The following CDK1 variants were observed in gnomAD, a reference collection of about 807,000 sequenced individuals.
The protein encoded by CDK1 is cyclin-dependent kinase 1.
CDK1 carries 5 observed loss-of-function variants against 34.6 expected under a neutral mutation model. That is an observed-to-expected ratio of 0.14 (90% CI 0.08 to 0.30). CDK1 has a LOEUF of 0.30. Ranked by LOEUF, CDK1 falls within the 10% of genes least tolerant of loss-of-function variation. The pLI is 1.00. For missense variants in CDK1, 157 were observed against 345.7 expected, an observed-to-expected ratio of 0.45 and a Z score of 4.33; for synonymous variants, 108 against 114.7, an observed-to-expected ratio of 0.94 and a Z score of 0.37.
rs1021919245 is a variant in CDK1 at position 60,794,576 on chromosome 10, G to C, written c.*601G>C. 5 of 152,110 alleles carry C rather than the reference G, an allele frequency of 3.3e-5. No homozygotes were observed. In the South Asian group the frequency reaches 1.0e-3, roughly 32 times the overall value. The allele number at this position is 152,110 out of a possible 1,614,324, so 9.4% of individuals were successfully genotyped here. A position where few individuals can be genotyped will look rare whatever the true frequency, so the allele number is the denominator to read the frequency against. Reference sequence around the variant, plus strand: ...ATGAGAGCATGCCAAAATTTGCTAAGTCTTACAAAGATCAAGGGCTGTCCG... The same window carrying C: ...ATGAGAGCATGCCAAAATTTGCTAACTCTTACAAAGATCAAGGGCTGTCCG... On this transcript the variant is annotated 3_prime_UTR_variant, in exon 8 of 8. Coordinates refer to ENST00000395284, the MANE Select transcript of CDK1 (RefSeq NM_001786.5).
In CDK1 at chr10:60,784,857, G is replaced by A; in HGVS notation, c.190G>A (p.Val64Ile). ...LLKELRHPNIVSLQDVLMQDS... is the reference protein window; with the variant it reads ...LLKELRHPNIISLQDVLMQDS... Reference sequence around the variant, plus strand: ...AAAGGAACTTCGTCATCCAAATATAGTCAGGTATGTTGTAATATCTGAATG... The same window carrying A: ...AAAGGAACTTCGTCATCCAAATATAATCAGGTATGTTGTAATATCTGAATG... The change falls in exon 3 of 8, where the codon GTC becomes ATC. Residue 64 changes from valine to isoleucine, a missense_variant. Val to Ile is a conservative substitution (Grantham distance 29). Coordinates refer to ENST00000395284, the MANE Select transcript of CDK1 (RefSeq NM_001786.5). 6.2e-7 allele frequency: 1 copy of A among 1,612,302 alleles called. No individual in the cohort carries two copies. The highest frequency in any genetic ancestry group is 8.5e-7 in the Non-Finnish European group (1 of 1,178,502).
rs759842721 is a variant in CDK1 at position 60,784,889 on chromosome 10, A to G, written c.194+28A>G. ...ATGTTGTAATATCTGAATGTAAGCC[A>G]TTTTCTGCATGCTATTTCAAATATA... is the stretch of plus-strand genomic sequence containing the variant. On this transcript the variant is annotated intron_variant, in intron 3 of 7. Transcript: ENST00000395284. The G allele has an allele frequency of 3.8e-6, 6 of 1,571,222 alleles. No individual in the cohort carries two copies. In the South Asian group the frequency reaches 6.7e-5, roughly 18 times the overall value.
intron 2 of CDK1, 49 bp from the exon 3 acceptor site, chr10:60,784,656 C>G (rs2080300346): frequency 2.1e-6 from 3 of 1,433,530 alleles, no homozygotes; most frequent in Non-Finnish European, 2.9e-6. Context: ...AAAAAAAGAT[C>G]TTTAGTTTGT....
rs370007666 is a variant in CDK1, at chr10:60,792,300, C to T, written c.795+11C>T. On this transcript the variant is annotated intron_variant, in intron 7 of 7. Coordinates refer to ENST00000395284, the MANE Select transcript of CDK1 (RefSeq NM_001786.5). Reference sequence around the variant, plus strand: ...TTGGATTTGCTCTCGGTAAGGAGTGCCCTTGATACTGACTTTCAAATTATT... The same window carrying T: ...TTGGATTTGCTCTCGGTAAGGAGTGTCCTTGATACTGACTTTCAAATTATT... The T allele has an allele frequency of 1.5e-5, 24 of 1,582,584 alleles. No homozygotes were observed. The East Asian group carries it at 4.5e-4, about 29-fold the overall frequency.
intron 2 of CDK1, among the ~76,000 whole-genome samples, chr10:60,783,070 G>A (rs2080286212): frequency 6.6e-6 from 1 of 152,126 alleles, no homozygotes; most frequent in Non-Finnish European, 1.5e-5. Context: ...TAATTTTCCT[G>A]AGATCACTTA....
chr10:60,786,379 A>G (rs1226451135), intron 4 of CDK1: 1 of 799,216 alleles, frequency 1.3e-6, no homozygotes, highest in Non-Finnish European at 1.5e-6. Context: ...GTATATATAC[A>G]TATTTTCCCT....
chr10:60,790,609 C>T (rs542390911), intron 5 of CDK1, among the ~76,000 whole-genome samples: 1 of 152,190 alleles, frequency 6.6e-6, no homozygotes. Flanking sequence ...TGATTTTTGT[C>T]CAGATCAATA....
chr10:60,786,680 C>T (rs1013336025), intron 4 of CDK1: 1 of 187,718 alleles, frequency 5.3e-6, no homozygotes. Context: ...CTTAAATACT[C>T]ATGGTGTGTA....
intron 4 of CDK1, 32 bp downstream of exon 4, chr10:60,785,819 T>C (rs867317733): frequency 6.4e-7 from 1 of 1,557,676 alleles, no homozygotes; most frequent in African/African-American, 1.4e-5. Context: ...TTAATATTTA[T>C]GCACTGTGGA....
chr10:60,789,472 C>T (rs1233930383), intron 5 of CDK1, among the ~76,000 whole-genome samples: 1 of 152,158 alleles, frequency 6.6e-6, no homozygotes, highest in African/African-American at 2.4e-5. Context: ...TGAGTGAAAA[C>T]ATGTGGTATT....
chr10:60,787,823 A>T (rs1417026541), intron 4 of CDK1: 4 of 246,088 alleles, frequency 1.6e-5, no homozygotes, highest in Non-Finnish European at 3.1e-5. Context: ...TTAAAGACTA[A>T]ATGTGTTCAC....
At chr10:60,792,618 GT>G (rs2080368667) in intron 7 of CDK1, among the ~76,000 whole-genome samples, 1 of 151,832 alleles carries the variant, frequency 6.6e-6, no homozygotes, top group Non-Finnish European at 1.5e-5. Flanking sequence ...AGCCCTCTTA[GT>G]TTATGCTAGA....
rs3212319 is a variant in CDK1, at chr10:60,792,057, GC to G, written c.653+5del. ...ATCAACTCTTCAGGATTTTCAGGTA[GC>G]TATTAAAAACTGAGATAATAAAGGT... is the stretch of plus-strand genomic sequence containing the variant. On this transcript the variant is annotated splice_donor_5th_base_variant and intron_variant, in intron 6 of 7. Coordinates refer to ENST00000395284, the MANE Select transcript of CDK1 (RefSeq NM_001786.5). 485,514 of 1,605,850 alleles carry G rather than the reference GC, an allele frequency of 0.3. 75,750 individuals carry two copies. Among genetic ancestry groups the G allele is most frequent in the Middle Eastern group, 0.32 (1,955 of 6,022 alleles).
At chr10:60,780,649 T>G (rs2080265129) in intron 2 of CDK1, among the ~76,000 whole-genome samples, 1 of 152,228 alleles carries the variant, frequency 6.6e-6, no homozygotes, top group African/African-American at 2.4e-5. Context: ...CTAATTTAAA[T>G]AAAATTTCTA....
chr10:60,792,420 A>G (rs2080367176), intron 7 of CDK1, 131 bp downstream of exon 7: 5 of 673,174 alleles, frequency 7.4e-6, no homozygotes, highest in Non-Finnish European at 7.0e-6. Context: ...ACATTGTATT[A>G]TACTAGCTTC....
intron 2 of CDK1, among the ~76,000 whole-genome samples, chr10:60,784,113 G>A (rs1489612467): frequency 6.6e-6 from 1 of 152,154 alleles, no homozygotes; most frequent in Non-Finnish European, 1.5e-5. Flanking sequence ...ATTTTAATTT[G>A]CAAATGATCT....
At chr10:60,780,546 ATATAT>A (rs1339001741) in intron 2 of CDK1, among the ~76,000 whole-genome samples, 2 of 152,140 alleles carry the variant, frequency 1.3e-5, no homozygotes, top group Non-Finnish European at 2.9e-5. Flanking sequence ...TAACTTCATA[ATATAT>A]TTTTAGTTTT....
chr10:60,792,996 C>A (rs2080371959), intron 7 of CDK1, among the ~76,000 whole-genome samples: 1 of 152,056 alleles, frequency 6.6e-6, no homozygotes, highest in African/African-American at 2.4e-5. Context: ...GTTAGGACAA[C>A]CAAAAGTGTC....
chr10:60,787,131 T>G, intron 4 of CDK1: 1 of 918,848 alleles, frequency 1.1e-6, no homozygotes, highest in Non-Finnish European at 1.3e-6. Flanking sequence ...TTACTTACAA[T>G]TTTTCAGTTT....
Sources: gnomAD v4.1 joint callset for allele counts (sites outside exome capture counted in the v4.1 genomes callset) on GRCh38, gnomAD v4.1.1 for gene constraint, MANE v1.5 for transcripts, NCBI Gene and HGNC (gene_info 2026-07-23, HGNC 2026-07-21) for gene names.